The following CFAP92 variants were observed in gnomAD, a reference collection of about 807,000 sequenced individuals.
CFAP92 encodes the protein cilia and flagella associated protein 92 (putative), also known as uncharacterized protein CFAP92.
In CFAP92, 86 loss-of-function variants were observed where a neutral mutation model predicts 106.3. The ratio of observed to expected loss-of-function variants is 0.81; its 90% CI spans 0.68 to 0.97. CFAP92 has a LOEUF of 0.97. CFAP92 is among the 50% of genes least tolerant of loss of function. The probability of loss-of-function intolerance (pLI) is 0.00; values close to 1 mark genes in which losing one functional copy is unlikely to be tolerated. For missense variants in CFAP92, 1,204 were observed against 1,283.8 expected (o/e 0.94, Z 0.95); for synonymous variants, 477 against 506.4 (o/e 0.94, Z 0.78).
intron 3 of CFAP92, among the ~76,000 whole-genome samples, chr3:128,988,272 G>A (rs1191741376): frequency 6.6e-6 from 1 of 152,190 alleles, no homozygotes; most frequent in Non-Finnish European, 1.5e-5. Context: ...CAGGTGCGGT[G>A]GCTCACGCCT....
chr3:128,966,712 A>C (rs948847558), intron 8 of CFAP92: 1 of 152,118 alleles, frequency 6.6e-6, no homozygotes, highest in East Asian at 1.9e-4. Context: ...CTGGGACTAC[A>C]GGTGCCCGAC....
chr3:129,008,332 A>T, the CFAP92 span, among the ~76,000 whole-genome samples: 1 of 152,288 alleles, frequency 6.6e-6, no homozygotes, highest in Admixed American at 6.5e-5. Context: ...TAATCCCTCC[A>T]TGGGCGTTTC....
chr3:128,930,393 C>T lies in CFAP92; in HGVS notation c.2751+2307G>A, dbSNP rs561533326. Among the ~76,000 whole-genome samples the T allele has an allele frequency of 1.2e-4, 18 of 152,118 alleles. No individual in the cohort carries two copies. In the South Asian group the frequency reaches 1.2e-3, roughly 11 times the overall value. On this transcript the variant is annotated intron_variant, in intron 12 of 15. Transcript: ENST00000645291. ...GTCTCGATCTCCTGATTTCATGATC[C>T]GCCTGCCTCAGCCTCCCAAAGTGCT...
chr3:128,956,214 A>T (rs1354523477), intron 9 of CFAP92, among the ~76,000 whole-genome samples: 1 of 92,842 alleles, frequency 1.1e-5, no homozygotes, highest in African/African-American at 8.8e-5. Flanking sequence ...AAATAAAAAA[A>T]TAAAAAAAAA....
the CFAP92 span, among the ~76,000 whole-genome samples, chr3:129,023,680 T>C: frequency 2.6e-5 from 4 of 152,350 alleles, no homozygotes; most frequent in African/African-American, 9.6e-5. Flanking sequence ...TGGCAAGAGA[T>C]GCTGGGTTTT....
upstream of CFAP92, among the ~76,000 whole-genome samples, chr3:129,005,951 C>G (rs4927925): frequency 1.1e-3 from 170 of 152,390 alleles, no homozygotes; most frequent in Non-Finnish European, 1.9e-3. Flanking sequence ...AAAATCACAA[C>G]TAGTCCTCTA....
upstream of CFAP92, among the ~76,000 whole-genome samples, chr3:129,005,048 T>C (rs1945008751): frequency 2.0e-5 from 3 of 152,152 alleles, 1 homozygote; most frequent in South Asian, 6.2e-4. Context: ...CCCTTTCAAA[T>C]CACAAGTCAC....
At chr3:128,988,049 A>G (rs960034198) in intron 3 of CFAP92, among the ~76,000 whole-genome samples, 5 of 152,194 alleles carry the variant, frequency 3.3e-5, no homozygotes, top group African/African-American at 1.2e-4. Context: ...CAAAGTAATT[A>G]CCTGCAAATA....
chr3:128,975,404 G>A (rs1652836425), intron 7 of CFAP92, among the ~76,000 whole-genome samples: 1 of 151,306 alleles, frequency 6.6e-6, no homozygotes, highest in Non-Finnish European at 1.5e-5. Context: ...CAAATGGATG[G>A]ATGGATGGAG....
intron 1 of CFAP92, chr3:128,993,673 G>T: frequency 2.9e-6 from 1 of 345,580 alleles, no homozygotes; most frequent in Non-Finnish European, 5.6e-6. Context: ...GAGAGGGGAC[G>T]TCTGCTCAGG....
intron 9 of CFAP92, among the ~76,000 whole-genome samples, chr3:128,948,617 C>A (rs1159609310): frequency 2.0e-5 from 3 of 151,312 alleles, no homozygotes; most frequent in Non-Finnish European, 4.4e-5. Flanking sequence ...GCAACCACCA[C>A]CTCCCCAGTT....
intron 1 of CFAP92, 190 bp from the exon 2 acceptor site, chr3:128,993,526 G>A: frequency 4.9e-6 from 3 of 610,574 alleles, no homozygotes; most frequent in East Asian, 2.8e-5. Flanking sequence ...ATGAATGGAT[G>A]AAGGAACAAC....
chr3:128,984,038 A>G (rs1943695558), intron 4 of CFAP92, among the ~76,000 whole-genome samples: 1 of 152,204 alleles, frequency 6.6e-6, no homozygotes, highest in African/African-American at 2.4e-5. Context: ...GAGAGCTCTC[A>G]AGAACAACAG....
chr3:129,007,546 C>T (rs192886495), upstream of CFAP92, among the ~76,000 whole-genome samples: 4 of 152,348 alleles, frequency 2.6e-5, no homozygotes, highest in Admixed American at 2.0e-4. Context: ...CCAGCATCTC[C>T]CAGTGTTCAA....
intron 12 of CFAP92, among the ~76,000 whole-genome samples, chr3:128,929,059 G>A (rs1375853622): frequency 6.6e-6 from 1 of 152,140 alleles, no homozygotes; most frequent in Admixed American, 6.5e-5. Context: ...AGGGGTTCAA[G>A]ACCAGCCTGG....
chr3:128,943,236 C>T (rs191565832), intron 10 of CFAP92, among the ~76,000 whole-genome samples: 12 of 152,102 alleles, frequency 7.9e-5, no homozygotes, highest in East Asian at 7.8e-4. Flanking sequence ...CCTTTTAAAG[C>T]GCATGAATGA....
upstream of CFAP92, among the ~76,000 whole-genome samples, chr3:129,002,916 C>T (rs980223536): frequency 6.6e-6 from 1 of 152,194 alleles, no homozygotes; most frequent in Non-Finnish European, 1.5e-5. Context: ...GAACCAGACC[C>T]GCTCTGGGCT....
rs1940095640 is a variant in CFAP92, at chr3:128,945,321, CCTTCTTAAA to C, written c.1999_2007del (p.Phe667_Lys669del). 9 of 1,535,980 alleles carry C rather than the reference CCTTCTTAAA, an allele frequency of 5.9e-6. 1 individual carries two copies. Among genetic ancestry groups the C allele is most frequent in the Non-Finnish European group, 7.0e-6 (8 of 1,146,916 alleles). The stretch of plus-strand genomic sequence containing the variant: ...TGCAGCAGGCTGTGGAGCAGGGAGA[CCTTCTTAAA>C]GTCAAAGACGAAGATGATGCGGCCA... On this transcript the variant is annotated inframe_deletion, in exon 10 of 16. Coordinates refer to ENST00000645291, the MANE Select transcript of CFAP92 (RefSeq NM_001394090.1).
At chr3:128,964,294 G>C (rs1471901120) in intron 9 of CFAP92, among the ~76,000 whole-genome samples, 1 of 152,162 alleles carries the variant, frequency 6.6e-6, no homozygotes, top group African/African-American at 2.4e-5. Flanking sequence ...CTTCTACAAG[G>C]TACAGCCCAT....
Sources: gnomAD v4.1 joint callset for allele counts (sites outside exome capture counted in the v4.1 genomes callset) on GRCh38, gnomAD v4.1.1 for gene constraint, MANE v1.5 for transcripts, NCBI Gene and HGNC (gene_info 2026-07-23, HGNC 2026-07-21) for gene names.